TADA2A: variants seen among roughly 807,000 people sequenced by gnomAD.
The protein encoded by TADA2A is transcriptional adapter 2-alpha.
A neutral mutation model predicts 67.4 loss-of-function variants in TADA2A; 38 were observed. That is an observed-to-expected ratio of 0.56 (90% CI 0.44 to 0.74). The LOEUF is 0.74. TADA2A is among the 30% of genes least tolerant of loss of function. The pLI is 0.00. For missense variants in TADA2A, 454 were observed against 547.0 expected (o/e 0.83, Z 1.70); for synonymous variants, 192 against 181.6 (o/e 1.06, Z -0.46).
chr17:37,414,724 TCTCTA>T (rs1270947954), intron 2 of TADA2A, among the ~76,000 whole-genome samples: 1 of 152,124 alleles, frequency 6.6e-6, no homozygotes, highest in East Asian at 1.9e-4. Context: ...CATTCACATG[TCTCTA>T]CTCAGTGAGA....
chr17:37,412,783 CAAAA>C (rs527307008), intron 2 of TADA2A, among the ~76,000 whole-genome samples: 1 of 146,516 alleles, frequency 6.8e-6, no homozygotes, highest in Admixed American at 6.8e-5. Flanking sequence ...GAATCTGTCT[CAAAA>C]AAAAAAAAAT....
At chr17:37,467,396 T>A in intron 11 of TADA2A, 58 bp from the exon 12 acceptor site, 2 of 1,407,070 alleles carry the variant, frequency 1.4e-6, no homozygotes, top group South Asian at 2.4e-5. Flanking sequence ...GCAAAAGTGC[T>A]CACTAATGTT....
intron 1 of TADA2A, among the ~76,000 whole-genome samples, chr17:37,409,698 C>T (rs777657055): frequency 6.6e-6 from 1 of 150,948 alleles, no homozygotes; most frequent in Non-Finnish European, 1.5e-5. Flanking sequence ...ACCCGGGAGG[C>T]GGAAGTTGCA....
chr17:37,435,357 C>T (rs556981063), intron 4 of TADA2A, among the ~76,000 whole-genome samples: 6 of 152,310 alleles, frequency 3.9e-5, no homozygotes, highest in Admixed American at 1.3e-4. Flanking sequence ...GGCGCCATCT[C>T]GGCTCACCGC....
chr17:37,412,639 C>G (rs991923149), intron 2 of TADA2A, among the ~76,000 whole-genome samples: 6 of 151,924 alleles, frequency 3.9e-5, no homozygotes, highest in Non-Finnish European at 8.8e-5. Context: ...CAAAAATTAG[C>G]TGGGGGTAAT....
intron 15 of TADA2A, 118 bp from the exon 16 acceptor site, chr17:37,476,679 C>T: frequency 1.0e-6 from 1 of 973,654 alleles, no homozygotes; most frequent in Non-Finnish European, 1.5e-6. Flanking sequence ...AGCCACCCAT[C>T]AGCTCCTATA....
chr17:37,437,571 G>T (rs1338883742), intron 4 of TADA2A, among the ~76,000 whole-genome samples, 167 bp from the exon 5 acceptor site: 1 of 151,772 alleles, frequency 6.6e-6, no homozygotes, highest in Non-Finnish European at 1.5e-5. Flanking sequence ...GTTTTTAGTA[G>T]AGATGGAGTT....
At chr17:37,426,189 G>A (rs561619700) in intron 3 of TADA2A, among the ~76,000 whole-genome samples, 1 of 152,108 alleles carries the variant, frequency 6.6e-6, no homozygotes, top group African/African-American at 2.4e-5. Context: ...GCTGAAATAC[G>A]GTTTCAGAGC....
In TADA2A at chr17:37,478,222, A is replaced by G. The variant is rs2053929002; in HGVS notation, c.*1240A>G. 6.6e-6 allele frequency: 1 copy of G among 152,066 alleles called. No homozygotes were observed. Among genetic ancestry groups the G allele is most frequent in the African/African-American group, 2.4e-5 (1 of 41,392 alleles). 9.4% of individuals were successfully genotyped at this position (152,066 alleles called of 1,614,324 possible). On this transcript the variant is annotated 3_prime_UTR_variant, in exon 16 of 16. Transcript: ENST00000615182. ...TTGAGGAGGTGGCACCGGATATAAC[A>G]TGTCTCTGTTATTTTTAGAATTAAT...
At chr17:37,440,313 A>G (rs2052874962) in intron 5 of TADA2A, among the ~76,000 whole-genome samples, 192 bp from the exon 6 acceptor site, 1 of 152,154 alleles carries the variant, frequency 6.6e-6, no homozygotes, top group Non-Finnish European at 1.5e-5. Context: ...CTAGCAAGAT[A>G]TGGAACACCA....
rs149674987 is a variant in TADA2A at position 37,430,509 on chromosome 17, T to C, written c.192+3500T>C. On this transcript the variant is annotated intron_variant, in intron 4 of 15. Coordinates refer to ENST00000615182, the MANE Select transcript of TADA2A (RefSeq NM_001166105.3). Reference sequence around the variant, plus strand: ...TGTGTTAACCAGGATTTCTGAATTCTATGCCTATTTTTGTCTTGTAATTCT... The same window carrying C: ...TGTGTTAACCAGGATTTCTGAATTCCATGCCTATTTTTGTCTTGTAATTCT... Among the ~76,000 whole-genome samples, 486 of 152,346 alleles carry C rather than the reference T, an allele frequency of 3.2e-3. 4 individuals carry two copies. The highest frequency in any genetic ancestry group is 0.011 in the African/African-American group (453 of 41,580).
chr17:37,447,619 A>T (rs571415919), intron 8 of TADA2A, among the ~76,000 whole-genome samples: 2 of 152,326 alleles, frequency 1.3e-5, no homozygotes, highest in Non-Finnish European at 2.9e-5. Context: ...TCTAAAAAAT[A>T]AAAAAGATGA....
At chr17:37,459,594 T>G (rs77695470) in intron 9 of TADA2A, among the ~76,000 whole-genome samples, 1 of 116,292 alleles carries the variant, frequency 8.6e-6, no homozygotes, top group Non-Finnish European at 2.0e-5. Flanking sequence ...TTTTTTTTTT[T>G]TGTTAAATAA....
chr17:37,409,651 C>G (rs2147890156), intron 1 of TADA2A, among the ~76,000 whole-genome samples: 1 of 151,254 alleles, frequency 6.6e-6, no homozygotes, highest in Non-Finnish European at 1.5e-5. Flanking sequence ...CCTGTAATCC[C>G]AGCTAATTGG....
rs1227603812 is a variant in TADA2A, at chr17:37,467,502, C to T, written c.872C>T (p.Thr291Ile). The T allele has an allele frequency of 6.2e-7, 1 of 1,613,910 alleles. No individual in the cohort carries two copies. The change falls in exon 12 of 16, where the codon ACA becomes ATA. Residue 291 changes from threonine to isoleucine, a missense_variant. Physicochemically the swap from Thr to Ile is moderately conservative, Grantham distance 89 (BLOSUM62 -1). Transcript: ENST00000615182. ...ATCAAGAGGCTCCAAGAATACAGGA[C>T]AGCAGGCATTACCAATTTTTGTAGT... ...REIKRLQEYR[T>I]AGITNFCSAR...
At chr17:37,467,579 A>C (rs1158144757) in intron 12 of TADA2A, 54 bp downstream of exon 12, 3 of 1,411,020 alleles carry the variant, frequency 2.1e-6, no homozygotes, top group African/African-American at 1.4e-5. Flanking sequence ...TTCCAGACAC[A>C]CAGAGGAAGT....
chr17:37,458,414 A>C (rs2148014995), intron 8 of TADA2A, 110 bp from the exon 9 acceptor site: 3 of 585,096 alleles, frequency 5.1e-6, no homozygotes, highest in Middle Eastern at 1.2e-3. Flanking sequence ...AGTAATTAGC[A>C]ATATGAGGTT....
At chr17:37,458,839 G>C (rs1049743200) in intron 9 of TADA2A, among the ~76,000 whole-genome samples, 1 of 152,014 alleles carries the variant, frequency 6.6e-6, no homozygotes, top group Non-Finnish European at 1.5e-5. Context: ...ACCATGCCTG[G>C]CTAATTTTTT....
At chr17:37,456,363 G>A (rs575214122) in intron 8 of TADA2A, among the ~76,000 whole-genome samples, 1 of 152,314 alleles carries the variant, frequency 6.6e-6, no homozygotes, top group South Asian at 2.1e-4. Flanking sequence ...AGTACCATTT[G>A]GAAGAGGTGA....
Sources: allele counts gnomAD v4.1 joint callset (sites outside exome capture counted in the v4.1 genomes callset), GRCh38; gene constraint gnomAD v4.1.1; transcripts MANE v1.5; gene names NCBI Gene and HGNC (gene_info 2026-07-23, HGNC 2026-07-21).